The following KANK1 variants were observed in gnomAD, a reference collection of about 807,000 sequenced individuals.
KANK1 encodes KN motif and ankyrin repeat domains 1.
A neutral mutation model predicts 106.2 loss-of-function variants in KANK1; 109 were observed. The observed-to-expected ratio is 1.03, with a 90% CI of 0.88 to 1.20. The LOEUF (loss-of-function observed/expected upper bound fraction) is 1.20, where lower values mean the gene tolerates loss of function less well. Among genes scored for constraint, KANK1 ranks in the 50% most tolerant of loss-of-function variants. The pLI is 0.00. For missense variants in KANK1, 2,399 were observed against 1,710.7 expected (o/e 1.40, Z -7.10); for synonymous variants, 873 against 652.2 (o/e 1.34, Z -5.16).
intron 2 of KANK1, among the ~76,000 whole-genome samples, chr9:690,729 GA>G (rs1236017263): frequency 6.6e-6 from 1 of 152,172 alleles, no homozygotes. Flanking sequence ...CTCTCTGGGG[GA>G]AAAGTGTTGC....
intron 3 of KANK1, 103 bp downstream of exon 3, chr9:713,567 G>C (rs1826816489): frequency 7.9e-7 from 1 of 1,270,868 alleles, no homozygotes; most frequent in South Asian, 1.6e-5. Flanking sequence ...TTTTGGAGGA[G>C]AAATGGAGAA....
intron 3 of KANK1, among the ~76,000 whole-genome samples, chr9:718,831 C>G (rs977650228): frequency 1.3e-5 from 2 of 152,100 alleles, no homozygotes; most frequent in Non-Finnish European, 2.9e-5. Context: ...TCTATCAAAG[C>G]TACATGCTTT....
intron 3 of KANK1, among the ~76,000 whole-genome samples, chr9:475,887 C>G (rs2058094246): frequency 6.6e-6 from 1 of 152,052 alleles, no homozygotes; most frequent in African/African-American, 2.4e-5. Context: ...GAGTCTCACT[C>G]TGTTGCCCAG....
chr9:553,250 G>A (rs763765842), intron 1 of KANK1, among the ~76,000 whole-genome samples: 1 of 152,150 alleles, frequency 6.6e-6, no homozygotes, highest in African/African-American at 2.4e-5. Context: ...CTACCTTCCA[G>A]GGACTTAAGT....
chr9:519,133 G>A (rs2059435195), intron 1 of KANK1, among the ~76,000 whole-genome samples: 1 of 151,548 alleles, frequency 6.6e-6, no homozygotes. Context: ...CAGGTGATCT[G>A]CCTGCCTCGG....
At position 712,049 on chromosome 9, in the gene KANK1, G is replaced by A. The variant is rs773241903; in HGVS notation, c.1283G>A (p.Gly428Glu). 218 of 1,613,882 alleles carry A rather than the reference G, an allele frequency of 1.4e-4. 1 individual carries two copies. The highest frequency in any genetic ancestry group is 1.8e-4 in the Non-Finnish European group (213 of 1,180,036). Residue 428 changes from glycine (G) to glutamate (E), a missense_variant, in exon 3 of 12, where the codon GGG (glycine) becomes GAG (glutamate). Transcript: ENST00000382297. ...GSRSCKDAAV[G>E]TLVEMRNCGV... ...AGGTCCTGTAAGGATGCAGCTGTAGGGACACTTGTTGAGATGAGAAATTGT... is the reference window on the plus strand; with the variant it reads ...AGGTCCTGTAAGGATGCAGCTGTAGAGACACTTGTTGAGATGAGAAATTGT...
intron 2 of KANK1, among the ~76,000 whole-genome samples, chr9:691,180 C>T (rs980067368): frequency 6.6e-6 from 1 of 152,150 alleles, no homozygotes; most frequent in Non-Finnish European, 1.5e-5. Context: ...CTCACCTTCA[C>T]AGAAGCACAG....
intron 1 of KANK1, among the ~76,000 whole-genome samples, chr9:562,775 T>C (rs1019969125): frequency 6.6e-6 from 1 of 152,226 alleles, no homozygotes; most frequent in African/African-American, 2.4e-5. Context: ...TTCTAATGGA[T>C]GAAAGAGCTA....
chr9:699,696 A>G (rs1438780878), intron 2 of KANK1, among the ~76,000 whole-genome samples: 1 of 152,240 alleles, frequency 6.6e-6, no homozygotes, highest in Non-Finnish European at 1.5e-5. Flanking sequence ...GATATTTCTT[A>G]GGAACTTCTG....
intron 1 of KANK1, among the ~76,000 whole-genome samples, chr9:669,235 T>C (rs534610129): frequency 6.6e-6 from 1 of 152,182 alleles, no homozygotes; most frequent in Non-Finnish European, 1.5e-5. Flanking sequence ...GGGTAACTTA[T>C]GGGTGGACTG....
chr9:745,081 G>T (rs1836839051), intron 11 of KANK1, 92 bp from the exon 12 acceptor site: 1 of 1,550,626 alleles, frequency 6.4e-7, no homozygotes, highest in East Asian at 2.3e-5. Flanking sequence ...GCTGCTTGTT[G>T]CCTGTGGTGG....
intron 1 of KANK1, 128 bp downstream of exon 1, chr9:504,882 G>C (rs2058669910): frequency 6.8e-6 from 1 of 147,838 alleles, no homozygotes; most frequent in Non-Finnish European, 1.5e-5. Flanking sequence ...GGGTTGCGCG[G>C]CGGCCGTGGC....
At chr9:557,303 G>A (rs548103748) in intron 1 of KANK1, among the ~76,000 whole-genome samples, 3 of 151,970 alleles carry the variant, frequency 2.0e-5, no homozygotes, top group African/African-American at 4.8e-5. Flanking sequence ...ATATAAAACA[G>A]AAAAAGAGGG....
chr9:688,681 T>C (rs1819144637), intron 2 of KANK1, among the ~76,000 whole-genome samples: 1 of 152,084 alleles, frequency 6.6e-6, no homozygotes, highest in African/African-American at 2.4e-5. Context: ...ACCAGGTATG[T>C]TGTGGCTGTC....
At chr9:475,138 T>G (rs1443901928) in intron 3 of KANK1, among the ~76,000 whole-genome samples, 1 of 152,200 alleles carries the variant, frequency 6.6e-6, no homozygotes, top group Non-Finnish European at 1.5e-5. Flanking sequence ...TCTCAGGAAT[T>G]GGGCAGGTGG....
intron 1 of KANK1, among the ~76,000 whole-genome samples, chr9:641,456 C>G (rs1414348395): frequency 6.6e-6 from 1 of 152,124 alleles, no homozygotes; most frequent in Non-Finnish European, 1.5e-5. Flanking sequence ...AGACAGGTTT[C>G]TTTTATGAAA....
At chr9:728,165 C>A (rs758278948) in intron 3 of KANK1, among the ~76,000 whole-genome samples, 5 of 152,084 alleles carry the variant, frequency 3.3e-5, no homozygotes, top group Non-Finnish European at 7.4e-5. Flanking sequence ...AAATATATTT[C>A]TTCGATGTAT....
intron 1 of KANK1, among the ~76,000 whole-genome samples, chr9:622,000 T>C (rs779986595): frequency 6.6e-6 from 1 of 152,194 alleles, no homozygotes; most frequent in Non-Finnish European, 1.5e-5. Flanking sequence ...AGTTTGGTTT[T>C]CATTAAAAAT....
chr9:622,627 G>C (rs1164705220), intron 1 of KANK1, among the ~76,000 whole-genome samples: 1 of 152,158 alleles, frequency 6.6e-6, no homozygotes, highest in African/African-American at 2.4e-5. Flanking sequence ...TAAGAGGCCG[G>C]GTGCAGTGGC....
Sources: allele counts gnomAD v4.1 joint callset (sites outside exome capture counted in the v4.1 genomes callset), GRCh38; gene constraint gnomAD v4.1.1; transcripts MANE v1.5; gene names NCBI Gene and HGNC (gene_info 2026-07-23, HGNC 2026-07-21).